The following FNTA variants were observed in gnomAD, a reference collection of about 807,000 sequenced individuals.
The protein encoded by FNTA is farnesyltransferase, CAAX box, subunit alpha, also known as protein farnesyltransferase/geranylgeranyltransferase type-1 subunit alpha.
Under a neutral mutation model 55.2 loss-of-function variants are expected in FNTA, and 27 were observed. That is an observed-to-expected ratio of 0.49 (90% CI 0.36 to 0.67). FNTA has a LOEUF of 0.67. Ranked by LOEUF, FNTA falls within the 30% of genes least tolerant of loss-of-function variation. The pLI is 0.00. For synonymous variants in FNTA, 176 were observed against 170.7 expected (o/e 1.03, Z -0.24); for missense variants, 422 against 464.7 (o/e 0.91, Z 0.85).
Position 43,064,182 on chromosome 8 carries a change from C to T in FNTA, c.368C>T (p.Ala123Val), listed in dbSNP as rs1224579271. Residue 123 changes from alanine (A) to valine (V), a missense_variant, in exon 3 of 9, where the codon GCT becomes GTT. Physicochemically the swap from Ala to Val is moderately conservative, Grantham distance 64 (BLOSUM62 0). Around this residue, in one of 2 missense-constraint regions of FNTA, gnomAD observed 262 missense variants for 343.1 expected, o/e 0.76. Transcript: ENST00000302279. ...CGAGCTTTTAAGCTAACCCGGGATG[C>T]TATTGAGTTAAATGCAGCCAATTAT... ...SERAFKLTRD[A>V]IELNAANYTV... 1 of 1,613,372 alleles carries T rather than the reference C, an allele frequency of 6.2e-7. No individual in the cohort carries two copies. The highest frequency in any genetic ancestry group is 1.7e-5 in the Admixed American group (1 of 60,028).
intron 4 of FNTA, among the ~76,000 whole-genome samples, chr8:43,071,109 T>C (rs990510943): frequency 2.6e-5 from 4 of 152,194 alleles, no homozygotes; most frequent in African/African-American, 9.6e-5. Context: ...CCTTCCCTTT[T>C]TCCTATTGTT....
In FNTA at chr8:43,065,720, C is replaced by T. The variant is rs544319788; in HGVS notation, c.401+1505C>T. 1.6e-4 allele frequency among the ~76,000 whole-genome samples: 24 copies of T among 151,528 alleles called. 1 individual carries two copies. Among genetic ancestry groups the T allele is most frequent in the African/African-American group, 5.6e-4 (23 of 40,808 alleles). On this transcript the variant is annotated intron_variant, in intron 3 of 8. Transcript: ENST00000302279. ...TTTTCTCTTCACCAATTGGATGCTG[C>T]ATACCTGGTTTTCAGCTCATTCATG...
chr8:43,057,707 C>G (rs1810442557), intron 1 of FNTA, among the ~76,000 whole-genome samples: 1 of 152,080 alleles, frequency 6.6e-6, no homozygotes, highest in African/African-American at 2.4e-5. Flanking sequence ...CCTGTAATCC[C>G]AGCACTTTGG....
chr8:43,079,862 AGT>A (rs1326624070), intron 6 of FNTA: 1 of 154,784 alleles, frequency 6.5e-6, no homozygotes, highest in Non-Finnish European at 1.4e-5. Context: ...GTTTGGAAGA[AGT>A]TGATTCCAGC....
intron 5 of FNTA, among the ~76,000 whole-genome samples, chr8:43,074,395 C>T (rs1810861293): frequency 6.6e-6 from 1 of 152,098 alleles, no homozygotes; most frequent in Non-Finnish European, 1.5e-5. Flanking sequence ...CGTAGTGGCG[C>T]ATGCTTGTGT....
chr8:43,071,142 T>C lies in FNTA; in HGVS notation c.507-1039T>C, dbSNP rs192319657. ...GTTCTGCTCACTTTTAGTTGAATGT[T>C]ATACTCTAATATAGATTTTTTAAGG... On this transcript the variant is annotated intron_variant, in intron 4 of 8. Coordinates refer to ENST00000302279, the MANE Select transcript of FNTA (RefSeq NM_002027.3). Among the ~76,000 whole-genome samples, 456 of 152,338 alleles carry C rather than the reference T, an allele frequency of 3.0e-3. 6 individuals carry two copies. Among genetic ancestry groups the C allele is most frequent in the Admixed American group, 0.022 (332 of 15,296 alleles).
chr8:43,067,656 T>A (rs943188017), intron 3 of FNTA, among the ~76,000 whole-genome samples: 1 of 152,002 alleles, frequency 6.6e-6, no homozygotes, highest in African/African-American at 2.4e-5. Flanking sequence ...CTTTTTTTTT[T>A]TTTTTGGAAT....
intron 7 of FNTA, among the ~76,000 whole-genome samples, chr8:43,084,217 CT>C (rs965185730): frequency 0.03 from 3,988 of 131,502 alleles, 117 homozygotes; most frequent in African/African-American, 0.1. Context: ...TGTAATTATC[CT>C]TTTTTTTTTT....
chr8:43,059,040 C>A (rs772085017), intron 1 of FNTA, 52 bp from the exon 2 acceptor site: 2 of 1,349,138 alleles, frequency 1.5e-6, no homozygotes, highest in East Asian at 4.6e-5. Context: ...ACTAGAGTCC[C>A]TTTTCTTCTG....
In FNTA at chr8:43,085,304, G is replaced by A. The variant is rs1005837564; in HGVS notation, c.*22G>A. The A allele has an allele frequency of 6.3e-7, 1 of 1,595,512 alleles. No individual in the cohort carries two copies. Among genetic ancestry groups the A allele is most frequent in the Admixed American group, 1.8e-5 (1 of 54,570 alleles). On this transcript the variant is annotated 3_prime_UTR_variant, in exon 9 of 9. Transcript: ENST00000302279. ...ATAACACCATCCAGAAGAACTTGATGGAATGCTTTTATTTTTTATTAAGGG... is the reference window on the plus strand; with the variant it reads ...ATAACACCATCCAGAAGAACTTGATAGAATGCTTTTATTTTTTATTAAGGG...
At chr8:43,056,826 C>T (rs1455524881) in intron 1 of FNTA, 1 of 163,138 alleles carries the variant, frequency 6.1e-6, no homozygotes, top group African/African-American at 2.4e-5. Flanking sequence ...ACTCGTTCAG[C>T]TGTTCAGGCG....
chr8:43,059,941 G>A (rs971683470), intron 2 of FNTA, among the ~76,000 whole-genome samples: 5 of 152,134 alleles, frequency 3.3e-5, no homozygotes, highest in Non-Finnish European at 7.3e-5. Flanking sequence ...GTAAAGACTC[G>A]AGAAATAGAT....
chr8:43,070,602 CTG>C (rs1438525588), intron 4 of FNTA, among the ~76,000 whole-genome samples: 1 of 152,208 alleles, frequency 6.6e-6, no homozygotes, highest in Non-Finnish European at 1.5e-5. Context: ...ATACTGCACA[CTG>C]TCATTAGCAC....
intron 6 of FNTA, 73 bp from the exon 7 acceptor site, chr8:43,083,045 C>G (rs1379882940): frequency 1.2e-6 from 1 of 834,190 alleles, no homozygotes; most frequent in Non-Finnish European, 1.8e-6. Flanking sequence ...GACTCCGTTT[C>G]AGAAAAAAAA....
At chr8:43,060,267 A>G (rs1810499906) in intron 2 of FNTA, among the ~76,000 whole-genome samples, 1 of 152,256 alleles carries the variant, frequency 6.6e-6, no homozygotes, top group South Asian at 2.1e-4. Flanking sequence ...GATCAGAGAA[A>G]TATAAACCAT....
chr8:43,059,996 T>C (rs914878964), intron 2 of FNTA, among the ~76,000 whole-genome samples: 6 of 152,204 alleles, frequency 3.9e-5, no homozygotes, highest in Non-Finnish European at 7.3e-5. Flanking sequence ...GGACATTTTA[T>C]ACCTTTATGA....
chr8:43,056,773 C>T (rs1027700905), intron 1 of FNTA: 1 of 180,316 alleles, frequency 5.5e-6, no homozygotes, highest in Non-Finnish European at 1.1e-5. Context: ...CTCGGCTTTC[C>T]GCCTGCTTTA....
intron 3 of FNTA, among the ~76,000 whole-genome samples, chr8:43,066,616 A>T (rs1810666782): frequency 1.2e-5 from 1 of 84,068 alleles, no homozygotes; most frequent in African/African-American, 4.1e-5. Context: ...GTGTGTGTTT[A>T]ATTTCATGGA....
chr8:43,063,532 C>T (rs1042606548), intron 2 of FNTA, among the ~76,000 whole-genome samples: 11 of 151,824 alleles, frequency 7.2e-5, no homozygotes, highest in Non-Finnish European at 8.8e-5. Flanking sequence ...GTGAAAAATG[C>T]AAAGCTCAGA....
Sources: gnomAD v4.1 joint callset for allele counts (sites outside exome capture counted in the v4.1 genomes callset) on GRCh38, gnomAD v4.1.1 for gene constraint, gnomAD v4.1.1 regional missense constraint, MANE v1.5 for transcripts, NCBI Gene and HGNC (gene_info 2026-07-23, HGNC 2026-07-21) for gene names.